The following CAP2 variants were observed in gnomAD, a reference collection of about 807,000 sequenced individuals.
The protein encoded by CAP2 is adenylyl cyclase-associated protein 2.
A neutral mutation model predicts 57.7 loss-of-function variants in CAP2; 24 were observed. The observed-to-expected ratio is 0.42, with a 90% CI of 0.30 to 0.58. The LOEUF (loss-of-function observed/expected upper bound fraction) is 0.58. Among genes scored for constraint, CAP2 ranks in the 20% least tolerant of loss-of-function variants. The pLI is 0.22. For missense variants in CAP2, 501 were observed against 590.3 expected (o/e 0.85, Z 1.57); for synonymous variants, 194 against 207.2 (o/e 0.94, Z 0.55).
chr6:17,457,528 C>T (rs1467574410), intron 3 of CAP2, among the ~76,000 whole-genome samples: 8 of 152,174 alleles, frequency 5.3e-5, no homozygotes, highest in African/African-American at 1.4e-4. Flanking sequence ...AGGTTAAAAA[C>T]GAATGTAGAT....
At chr6:17,408,239 G>T (rs1759039586) in intron 1 of CAP2, among the ~76,000 whole-genome samples, 1 of 152,192 alleles carries the variant, frequency 6.6e-6, no homozygotes, top group Admixed American at 6.5e-5. Context: ...TTTGTGGCAA[G>T]AGTTGAAGGG....
intron 12 of CAP2, among the ~76,000 whole-genome samples, chr6:17,554,437 C>CT (rs1763246994): frequency 6.6e-6 from 1 of 152,080 alleles, no homozygotes; most frequent in African/African-American, 2.4e-5. Context: ...AAGGCTTGTC[C>CT]TTATACAGTG....
intron 7 of CAP2, among the ~76,000 whole-genome samples, chr6:17,517,083 G>A (rs1762288213): frequency 6.6e-6 from 1 of 152,214 alleles, no homozygotes; most frequent in Non-Finnish European, 1.5e-5. Context: ...GATTTCCAAT[G>A]AGATAGTGTT....
At chr6:17,536,317 A>T in intron 7 of CAP2, 1 of 456,614 alleles carries the variant, frequency 2.2e-6, no homozygotes. Flanking sequence ...ACATCTAATC[A>T]GTTTGATTTC....
intron 6 of CAP2, among the ~76,000 whole-genome samples, chr6:17,509,846 AACATGGTATATCCAC>A (rs1201213707): frequency 1.3e-5 from 2 of 152,202 alleles, no homozygotes; most frequent in African/African-American, 4.8e-5. Context: ...GGATAAATAA[AACATGGTATATCCAC>A]ACAATAGAAT....
At chr6:17,427,832 T>G (rs1477320514) in intron 3 of CAP2, among the ~76,000 whole-genome samples, 2 of 152,206 alleles carry the variant, frequency 1.3e-5, no homozygotes, top group African/African-American at 4.8e-5. Flanking sequence ...GGAAATGCTG[T>G]TACATGCTGT....
chr6:17,512,615 T>G (rs1396679553), intron 6 of CAP2, among the ~76,000 whole-genome samples: 2 of 152,190 alleles, frequency 1.3e-5, no homozygotes, highest in East Asian at 3.9e-4. Context: ...CCTACAGACT[T>G]AGGAAACTAA....
chr6:17,421,251 G>A (rs73367882), intron 1 of CAP2, among the ~76,000 whole-genome samples: 17,038 of 151,976 alleles, frequency 0.11, 1,121 homozygotes, highest in African/African-American at 0.17. Context: ...GGTGGGAGGG[G>A]GATGAGGGAC....
chr6:17,516,021 G>A (rs941197069), intron 7 of CAP2, among the ~76,000 whole-genome samples: 12 of 152,172 alleles, frequency 7.9e-5, no homozygotes, highest in African/African-American at 2.9e-4. Context: ...TTATTGCAAT[G>A]TCCTGAACCT....
At chr6:17,500,397 T>A (rs1405615225) in intron 4 of CAP2, among the ~76,000 whole-genome samples, 2 of 87,488 alleles carry the variant, frequency 2.3e-5, no homozygotes, top group South Asian at 3.9e-4. Context: ...GGAGACGGAG[T>A]CTTGCTGTGT....
chr6:17,440,525 T>A lies in CAP2; in HGVS notation c.222+13835T>A, dbSNP rs902958160. On this transcript the variant is annotated intron_variant, in intron 3 of 12. Transcript: ENST00000229922. Reference sequence around the variant, plus strand: ...TTACTATTACCTTTAAGACAGTATTTTAAAAATGTTGACAGAGGCTTATCT... The same window carrying A: ...TTACTATTACCTTTAAGACAGTATTATAAAAATGTTGACAGAGGCTTATCT... Among the ~76,000 whole-genome samples, 13 of 151,434 alleles carry A rather than the reference T, an allele frequency of 8.6e-5. No individual in the cohort carries two copies. The East Asian group carries it at 2.3e-3, about 27-fold the overall frequency.
At chr6:17,495,221 A>C (rs993110443) in intron 4 of CAP2, among the ~76,000 whole-genome samples, 13 of 152,230 alleles carry the variant, frequency 8.5e-5, no homozygotes, top group Non-Finnish European at 1.6e-4. Flanking sequence ...CAGGGACATC[A>C]GAGTGCTGTC....
At chr6:17,551,918 G>A (rs1763180388) in intron 12 of CAP2, among the ~76,000 whole-genome samples, 1 of 152,160 alleles carries the variant, frequency 6.6e-6, no homozygotes, top group South Asian at 2.1e-4. Context: ...CTCTGGTGGA[G>A]GTAAACAGGA....
intron 4 of CAP2, among the ~76,000 whole-genome samples, chr6:17,476,164 C>A (rs991585012): frequency 6.6e-6 from 1 of 152,162 alleles, no homozygotes; most frequent in Admixed American, 6.5e-5. Flanking sequence ...CAACTAAAAT[C>A]TTTCTGATTA....
At chr6:17,482,234 G>T (rs1368013031) in intron 4 of CAP2, among the ~76,000 whole-genome samples, 1 of 152,138 alleles carries the variant, frequency 6.6e-6, no homozygotes, top group Non-Finnish European at 1.5e-5. Context: ...GAGGTTAGAA[G>T]TCAAGGCGTA....
intron 7 of CAP2, among the ~76,000 whole-genome samples, chr6:17,534,666 C>A (rs1162172868): frequency 6.6e-6 from 1 of 152,174 alleles, no homozygotes; most frequent in Non-Finnish European, 1.5e-5. Context: ...GCCTGTTCTC[C>A]CACAGTTGCC....
At chr6:17,507,398 C>G in intron 5 of CAP2, 86 bp downstream of exon 5, 5 of 1,368,702 alleles carry the variant, frequency 3.7e-6, no homozygotes, top group Non-Finnish European at 5.1e-6. Context: ...CCTTCACGCT[C>G]CTTGCACTGA....
chr6:17,473,474 C>T (rs1043539250), intron 4 of CAP2, among the ~76,000 whole-genome samples: 4 of 152,154 alleles, frequency 2.6e-5, no homozygotes, highest in Non-Finnish European at 5.9e-5. Context: ...CTCTCATGAC[C>T]TGAATCAAAA....
chr6:17,407,690 A>G (rs1759018135), intron 1 of CAP2, among the ~76,000 whole-genome samples: 1 of 150,116 alleles, frequency 6.7e-6, no homozygotes, highest in Non-Finnish European at 1.5e-5. Context: ...GAGGCAGGAG[A>G]ATCCCTTGAA....
Sources: allele counts gnomAD v4.1 joint callset (sites outside exome capture counted in the v4.1 genomes callset), GRCh38; gene constraint gnomAD v4.1.1; transcripts MANE v1.5; gene names NCBI Gene and HGNC (gene_info 2026-07-23, HGNC 2026-07-21).